IL1R1: variants seen among roughly 807,000 people sequenced by gnomAD.
IL1R1 encodes interleukin-1 receptor type 1.
In IL1R1, 22 loss-of-function variants were observed where a neutral mutation model predicts 50.2. The ratio of observed to expected loss-of-function variants is 0.44; its 90% CI spans 0.31 to 0.63. The LOEUF (loss-of-function observed/expected upper bound fraction) is 0.63, where lower values mean the gene tolerates loss of function less well. Among genes scored for constraint, IL1R1 ranks in the 20% least tolerant of loss-of-function variants. The pLI is 0.07. For missense variants in IL1R1, 509 were observed against 676.2 expected (o/e 0.75, Z 2.74); for synonymous variants, 251 against 236.7 (o/e 1.06, Z -0.55).
intron 3 of IL1R1, among the ~76,000 whole-genome samples, chr2:102,158,468 C>G (rs1291779853): frequency 6.6e-6 from 1 of 152,140 alleles, no homozygotes; most frequent in Non-Finnish European, 1.5e-5. Context: ...CCCTGAGAAG[C>G]TGACTTTTGA....
At chr2:102,148,341 T>C (rs534313676) in intron 1 of IL1R1, among the ~76,000 whole-genome samples, 1 of 152,300 alleles carries the variant, frequency 6.6e-6, no homozygotes, top group African/African-American at 2.4e-5. Context: ...CCCACAGGTA[T>C]GAGTGTGTGG....
intron 2 of IL1R1, chr2:102,156,050 T>C (rs1684157728): frequency 6.6e-6 from 1 of 152,214 alleles, no homozygotes. Context: ...AATGCCCTTA[T>C]TTTGTTGTTG....
chr2:102,133,770 A>G (rs1421476648), intron 1 of IL1R1, among the ~76,000 whole-genome samples: 4 of 152,216 alleles, frequency 2.6e-5, no homozygotes, highest in Non-Finnish European at 5.9e-5. Flanking sequence ...CAATCCAATA[A>G]GGGATGTGTA....
intron 7 of IL1R1, among the ~76,000 whole-genome samples, chr2:102,170,954 A>G (rs1411576303): frequency 6.6e-6 from 1 of 152,150 alleles, no homozygotes; most frequent in Non-Finnish European, 1.5e-5. Context: ...CCAGCTGCTC[A>G]AGAGGCTGAG....
chr2:102,113,736 C>T (rs1680909689), intron 1 of IL1R1, among the ~76,000 whole-genome samples: 1 of 152,194 alleles, frequency 6.6e-6, no homozygotes, highest in African/African-American at 2.4e-5. Flanking sequence ...TGGGTACCCA[C>T]CTCATCTGCT....
At chr2:102,166,924 T>C (rs1425186678) in intron 6 of IL1R1, among the ~76,000 whole-genome samples, 1 of 152,222 alleles carries the variant, frequency 6.6e-6, no homozygotes, top group Non-Finnish European at 1.5e-5. Context: ...TGTCTTTCAA[T>C]TCTGCGTTAA....
intron 1 of IL1R1, among the ~76,000 whole-genome samples, chr2:102,129,050 G>A (rs975702877): frequency 6.6e-5 from 10 of 151,900 alleles, no homozygotes; most frequent in Admixed American, 3.3e-4. Flanking sequence ...GAATAAAAAA[G>A]TAAACAATAA....
At chr2:102,121,614 T>G (rs554875847) in intron 1 of IL1R1, among the ~76,000 whole-genome samples, 1 of 152,312 alleles carries the variant, frequency 6.6e-6, no homozygotes, top group South Asian at 2.1e-4. Flanking sequence ...TGGCTTACTC[T>G]AGGGTTTATG....
At chr2:102,103,618 G>T (rs1282961846), upstream of IL1R1, among the ~76,000 whole-genome samples, 1 of 152,126 alleles carries the variant, frequency 6.6e-6, no homozygotes, top group East Asian at 1.9e-4. Context: ...GCAGATTTTT[G>T]AGTAGCGTTG....
At chr2:102,072,247 A>G (rs985853851) in intron 1 of IL1R1, among the ~76,000 whole-genome samples, 58 of 151,526 alleles carry the variant, frequency 3.8e-4, no homozygotes, top group Admixed American at 1.3e-3. Context: ...GTGACAGAGC[A>G]AGACTCTGTG....
At chr2:102,128,694 A>G (rs900195019) in intron 1 of IL1R1, among the ~76,000 whole-genome samples, 11 of 152,208 alleles carry the variant, frequency 7.2e-5, no homozygotes, top group Non-Finnish European at 1.6e-4. Flanking sequence ...CTCTAGTTCT[A>G]AAGAGCAAAT....
intron 1 of IL1R1, among the ~76,000 whole-genome samples, chr2:102,148,840 T>C (rs1386511116): frequency 6.6e-6 from 1 of 152,202 alleles, no homozygotes; most frequent in East Asian, 1.9e-4. Flanking sequence ...TTTTAATAGC[T>C]GTATGAATCT....
Position 102,174,679 on chromosome 2 carries a change from G to A in IL1R1, c.1084G>A (p.Asp362Asn). 1 of 1,612,292 alleles carries A rather than the reference G, an allele frequency of 6.2e-7. No homozygotes were observed. Among genetic ancestry groups the A allele is most frequent in the Non-Finnish European group, 8.5e-7 (1 of 1,179,280 alleles). Residue 362 changes from aspartate (D) to asparagine (N), a missense_variant, in exon 10 of 12, where the codon GAC becomes AAC. By Grantham distance (23) the Asp-to-Asn change is conservative (BLOSUM62 1). Coordinates refer to ENST00000410023, the MANE Select transcript of IL1R1 (RefSeq NM_000877.4). ...TTTCATCTATAAAATCTTCAAGATT[G>A]ACATTGTGCTTTGGTACAGGGATTC... ...SVFIYKIFKI[D>N]IVLWYRDSCY... is the part of the protein sequence containing the mutation.
intron 1 of IL1R1, among the ~76,000 whole-genome samples, chr2:102,136,643 TG>T (rs1364522796): frequency 1.3e-5 from 2 of 152,182 alleles, no homozygotes; most frequent in African/African-American, 4.8e-5. Context: ...CCCAAAGTGC[TG>T]GGATTACAGG....
intron 1 of IL1R1, among the ~76,000 whole-genome samples, chr2:102,088,456 T>G (rs561591378): frequency 6.6e-6 from 1 of 152,226 alleles, no homozygotes; most frequent in South Asian, 2.1e-4. Context: ...CTCTCAACAG[T>G]GGGCTTAAAA....
At chr2:102,098,781 T>C (rs1055768191) in intron 1 of IL1R1, among the ~76,000 whole-genome samples, 18 of 152,224 alleles carry the variant, frequency 1.2e-4, no homozygotes, top group African/African-American at 4.3e-4. Context: ...ATTCTTTATG[T>C]CCCATATCTT....
At chr2:102,114,463 T>C (rs2104376177) in intron 1 of IL1R1, among the ~76,000 whole-genome samples, 1 of 152,352 alleles carries the variant, frequency 6.6e-6, no homozygotes, top group East Asian at 1.9e-4. Flanking sequence ...TGGAACTTAA[T>C]TGATTTAAAA....
chr2:102,095,800 C>T (rs546675360), intron 1 of IL1R1, among the ~76,000 whole-genome samples: 2 of 152,166 alleles, frequency 1.3e-5, no homozygotes, highest in African/African-American at 2.4e-5. Flanking sequence ...GTTAGGAGAT[C>T]GAGACCATCC....
intron 1 of IL1R1, among the ~76,000 whole-genome samples, chr2:102,125,311 A>C (rs2104402480): frequency 6.6e-6 from 1 of 152,334 alleles, no homozygotes; most frequent in African/African-American, 2.4e-5. Context: ...AAACGAAACC[A>C]ATAACGAAAA....
Sources: gnomAD v4.1 joint callset for allele counts (sites outside exome capture counted in the v4.1 genomes callset) on GRCh38, gnomAD v4.1.1 for gene constraint, MANE v1.5 for transcripts, NCBI Gene and HGNC (gene_info 2026-07-23, HGNC 2026-07-21) for gene names.